OSBPL6: variants seen among roughly 807,000 people sequenced by gnomAD.
The protein encoded by OSBPL6 is oxysterol binding protein like 6.
Under a neutral mutation model 125.8 loss-of-function variants are expected in OSBPL6, and 49 were observed. The ratio of observed to expected loss-of-function variants is 0.39; its 90% CI spans 0.31 to 0.49. The LOEUF (loss-of-function observed/expected upper bound fraction) is 0.49. Ranked by LOEUF, OSBPL6 falls within the 20% of genes least tolerant of loss-of-function variation. The probability of loss-of-function intolerance (pLI) is 0.88; values close to 1 mark genes in which losing one functional copy is unlikely to be tolerated. For synonymous variants in OSBPL6, 394 were observed against 391.8 expected (o/e 1.01, Z -0.07); for missense variants, 986 against 1,135.4 (o/e 0.87, Z 1.89).
At chr2:178,237,361 G>GTTTCA (rs386391955) in intron 1 of OSBPL6, among the ~76,000 whole-genome samples, 1 of 151,552 alleles carries the variant, frequency 6.6e-6, no homozygotes, top group Admixed American at 6.6e-5. Context: ...GTTTTGTTTT[G>GTTTCA]TTTTTGTCTC....
At chr2:178,251,437 T>C (rs138740824) in intron 1 of OSBPL6, among the ~76,000 whole-genome samples, 1 of 151,870 alleles carries the variant, frequency 6.6e-6, no homozygotes, top group Admixed American at 6.6e-5. Flanking sequence ...TAAAATTTCA[T>C]TAACTGTGAG....
intron 1 of OSBPL6, among the ~76,000 whole-genome samples, chr2:178,209,326 T>A (rs2089717676): frequency 1.3e-5 from 2 of 152,116 alleles, no homozygotes; most frequent in Non-Finnish European, 2.9e-5. Context: ...TTCTGGGTGA[T>A]TTCCTCAACT....
At chr2:178,285,419 C>T (rs907936096) in intron 2 of OSBPL6, among the ~76,000 whole-genome samples, 32 of 152,048 alleles carry the variant, frequency 2.1e-4, no homozygotes, top group Admixed American at 1.9e-3. Flanking sequence ...GAGCAATGAA[C>T]GTGCAGACCT....
At chr2:178,269,393 T>C (rs1459111560) in intron 1 of OSBPL6, among the ~76,000 whole-genome samples, 1 of 152,222 alleles carries the variant, frequency 6.6e-6, no homozygotes, top group African/African-American at 2.4e-5. Flanking sequence ...TGGGCATAAA[T>C]ACTCACTTCT....
At chr2:178,299,997 A>G (rs1686135959) in intron 2 of OSBPL6, among the ~76,000 whole-genome samples, 1 of 152,218 alleles carries the variant, frequency 6.6e-6, no homozygotes, top group South Asian at 2.1e-4. Flanking sequence ...GTAAATAGTT[A>G]CGCAAATATT....
At chr2:178,299,535 CTTTGT>C (rs61180193) in intron 2 of OSBPL6, among the ~76,000 whole-genome samples, 52,543 of 151,516 alleles carry the variant, frequency 0.35, 10,094 homozygotes, top group East Asian at 0.49. Context: ...TCCTTCCTTT[CTTTGT>C]TTTGTTTCTT....
At chr2:178,272,324 A>G (rs1574703808) in intron 1 of OSBPL6, among the ~76,000 whole-genome samples, 1 of 152,182 alleles carries the variant, frequency 6.6e-6, no homozygotes, top group African/African-American at 2.4e-5. Flanking sequence ...GGGTTCTGTT[A>G]TGTATCAGAC....
At chr2:178,352,505 C>G (rs1022635410) in intron 12 of OSBPL6, among the ~76,000 whole-genome samples, 1 of 152,164 alleles carries the variant, frequency 6.6e-6, no homozygotes, top group African/African-American at 2.4e-5. Context: ...AGTCTGAGAT[C>G]GAACTGCGAG....
intron 1 of OSBPL6, among the ~76,000 whole-genome samples, chr2:178,267,737 G>A (rs1423834180): frequency 2.0e-5 from 3 of 150,640 alleles, no homozygotes; most frequent in Non-Finnish European, 4.4e-5. Flanking sequence ...GCATAGAAAA[G>A]TTTGGAACAA....
intron 1 of OSBPL6, among the ~76,000 whole-genome samples, chr2:178,278,807 GA>G (rs1218730237): frequency 2.3e-4 from 35 of 152,190 alleles, no homozygotes; most frequent in African/African-American, 7.9e-4. Context: ...GCTGCCAGTG[GA>G]AAAAAGCAAA....
intron 13 of OSBPL6, among the ~76,000 whole-genome samples, chr2:178,363,463 G>A (rs990502287): frequency 5.3e-5 from 8 of 152,284 alleles, no homozygotes; most frequent in Non-Finnish European, 1.2e-4. Context: ...AGATGAGCAG[G>A]AAACAGTGAA....
chr2:178,225,082 G>C (rs994688381), intron 1 of OSBPL6, among the ~76,000 whole-genome samples: 2 of 151,676 alleles, frequency 1.3e-5, no homozygotes, highest in African/African-American at 2.4e-5. Flanking sequence ...AGATATGCCA[G>C]GACGGCTATT....
Position 178,397,447 on chromosome 2 carries a change from A to T in OSBPL6, c.*1888A>T, listed in dbSNP as rs1323348212. ...CTTGATATTGATTCTTTTTCTGCTC[A>T]TTCATCTTGATGTTCTTTTTCTGCA... On this transcript the variant is annotated 3_prime_UTR_variant, in exon 25 of 25. Transcript: ENST00000190611. The T allele has an allele frequency of 1.3e-5, 2 of 152,196 alleles. No homozygotes were observed. The highest frequency in any genetic ancestry group is 1.9e-4 in the East Asian group (1 of 5,198). 9.4% of individuals were successfully genotyped at this position (152,196 alleles called of 1,614,324 possible).
chr2:178,345,987 G>A (rs934714666), intron 11 of OSBPL6, among the ~76,000 whole-genome samples: 2 of 152,092 alleles, frequency 1.3e-5, no homozygotes, highest in African/African-American at 2.4e-5. Context: ...TAGAAGTTAC[G>A]AGAAAAACTT....
At chr2:178,286,904 G>A (rs1322455627) in intron 2 of OSBPL6, among the ~76,000 whole-genome samples, 1 of 152,100 alleles carries the variant, frequency 6.6e-6, no homozygotes, top group Non-Finnish European at 1.5e-5. Context: ...ACAGTGAGTT[G>A]TAGTTACTCA....
chr2:178,259,345 A>C (rs1001861512), intron 1 of OSBPL6, among the ~76,000 whole-genome samples: 2 of 152,198 alleles, frequency 1.3e-5, no homozygotes, highest in Admixed American at 6.5e-5. Context: ...AAGCGCTGAT[A>C]ATTGTAAAAT....
At chr2:178,275,538 G>A (rs2092452387) in intron 1 of OSBPL6, among the ~76,000 whole-genome samples, 1 of 151,950 alleles carries the variant, frequency 6.6e-6, no homozygotes, top group South Asian at 2.1e-4. Flanking sequence ...ATAATAATGG[G>A]TTTGATTTTT....
At chr2:178,368,347 G>A (rs1434159716) in intron 13 of OSBPL6, among the ~76,000 whole-genome samples, 1 of 152,176 alleles carries the variant, frequency 6.6e-6, no homozygotes, top group African/African-American at 2.4e-5. Flanking sequence ...GGTTGCCAGA[G>A]TGGGAACAGT....
intron 1 of OSBPL6, among the ~76,000 whole-genome samples, chr2:178,259,716 C>A (rs548371128): frequency 2.6e-5 from 4 of 152,220 alleles, no homozygotes; most frequent in African/African-American, 7.2e-5. Context: ...AGCAGTGAAC[C>A]CAGGGATGAA....
Sources: gnomAD v4.1 joint callset for allele counts (sites outside exome capture counted in the v4.1 genomes callset) on GRCh38, gnomAD v4.1.1 for gene constraint, MANE v1.5 for transcripts, NCBI Gene and HGNC (gene_info 2026-07-23, HGNC 2026-07-21) for gene names.